Variants in ZC4H2 observed in about 807,000 individuals in gnomAD.
ZC4H2 encodes zinc finger C4H2-type containing.
For missense variants in ZC4H2, 137 were observed against 173.9 expected (o/e 0.79, Z 1.19); for synonymous variants, 84 against 66.3 (o/e 1.27, Z -1.30).
At chrX:64,952,952 T>A (rs980323231) in intron 1 of ZC4H2, among the ~76,000 whole-genome samples, 1 of 111,680 alleles carries the variant, frequency 9.0e-6, no homozygotes, top group Non-Finnish European at 1.9e-5. Context: ...CAAAACAGCA[T>A]GGTACTGGTA....
chrX:65,034,200 G>A (rs1327325461), intron 1 of ZC4H2, among the ~76,000 whole-genome samples: 1 of 111,671 alleles, frequency 9.0e-6, no homozygotes, highest in Non-Finnish European at 1.9e-5. Flanking sequence ...CCAGAAGGAA[G>A]TGAGATTAGA....
At chrX:64,956,828 C>T (rs1393343204) in intron 1 of ZC4H2, among the ~76,000 whole-genome samples, 1 of 112,064 alleles carries the variant, frequency 8.9e-6, no homozygotes, top group African/African-American at 3.2e-5. Flanking sequence ...AAGGAGGTAC[C>T]CTCTACTCTG....
At chrX:64,964,312 C>T (rs1184844788) in intron 1 of ZC4H2, among the ~76,000 whole-genome samples, 1 of 110,391 alleles carries the variant, frequency 9.1e-6, no homozygotes, top group Non-Finnish European at 1.9e-5. Context: ...GAATAAATGG[C>T]CAAAAATCTT....
chrX:64,974,516 T>G (rs1043223430), intron 1 of ZC4H2, among the ~76,000 whole-genome samples: 2 of 112,029 alleles, frequency 1.8e-5, no homozygotes, highest in Non-Finnish European at 3.8e-5. Context: ...TGGATCTTAT[T>G]TAAATCTTTT....
intron 1 of ZC4H2, among the ~76,000 whole-genome samples, chrX:65,032,604 CT>C (rs1241659854): frequency 8.9e-6 from 1 of 111,932 alleles, no homozygotes; most frequent in East Asian, 2.8e-4. Context: ...TTAATTAGTT[CT>C]AGAGTGATTC....
chrX:64,945,470 C>T (rs747432059), intron 1 of ZC4H2, among the ~76,000 whole-genome samples: 1 of 111,350 alleles, frequency 9.0e-6, no homozygotes, highest in East Asian at 2.9e-4. Context: ...CCCAGAGGGG[C>T]ACCTGCCAGA....
intron 1 of ZC4H2, among the ~76,000 whole-genome samples, chrX:65,020,524 C>T (rs1262052574): frequency 6.3e-5 from 7 of 111,942 alleles, no homozygotes; most frequent in Non-Finnish European, 1.1e-4. Context: ...CTAACAAGGG[C>T]TCCTGAAGAA....
intron 1 of ZC4H2, among the ~76,000 whole-genome samples, chrX:64,995,496 A>G (rs1248872241): frequency 8.9e-6 from 1 of 111,977 alleles, no homozygotes; most frequent in Non-Finnish European, 1.9e-5. Flanking sequence ...AGTAGCTGGG[A>G]CCACAGGCAT....
At chrX:64,926,213 G>T (rs936001791) in intron 1 of ZC4H2, among the ~76,000 whole-genome samples, 1 of 111,295 alleles carries the variant, frequency 9.0e-6, no homozygotes, top group African/African-American at 3.3e-5. Flanking sequence ...CAATAAGGGG[G>T]TATGCTGTGT....
At chrX:64,945,128 G>C (rs2147379983) in intron 1 of ZC4H2, among the ~76,000 whole-genome samples, 1 of 112,908 alleles carries the variant, frequency 8.9e-6, no homozygotes, top group African/African-American at 3.2e-5. Context: ...TTGCTGGCGA[G>C]GAGTTGTGAT....
At chrX:64,951,255 C>T (rs747385226) in intron 1 of ZC4H2, among the ~76,000 whole-genome samples, 80 of 112,297 alleles carry the variant, frequency 7.1e-4, no homozygotes, top group African/African-American at 2.5e-3. Context: ...AATAGTGCCA[C>T]AACAAACATA....
intron 1 of ZC4H2, among the ~76,000 whole-genome samples, chrX:64,946,607 AC>A (rs1930547049): frequency 9.1e-6 from 1 of 110,299 alleles, no homozygotes; most frequent in South Asian, 3.9e-4. Context: ...ACACACACAC[AC>A]ACACACGTCT....
At chrX:64,972,297 G>A (rs765089623) in intron 1 of ZC4H2, among the ~76,000 whole-genome samples, 23 of 111,162 alleles carry the variant, frequency 2.1e-4, no homozygotes, top group Non-Finnish European at 4.1e-4. Context: ...TGCTTCTGAT[G>A]TTTTTCCCAC....
chrX:64,987,464 G>T (rs1476722749), intron 1 of ZC4H2, among the ~76,000 whole-genome samples: 44 of 91,952 alleles, frequency 4.8e-4, no homozygotes, highest in Non-Finnish European at 7.9e-4. Context: ...GGTTTGCTGG[G>T]TTTTTTTTTT....
At chrX:64,922,769 C>T (rs1386413024) in intron 1 of ZC4H2, among the ~76,000 whole-genome samples, 1 of 112,081 alleles carries the variant, frequency 8.9e-6, no homozygotes, top group Non-Finnish European at 1.9e-5. Context: ...AGCCACTATG[C>T]ACATATGGCT....
At chrX:65,003,505 G>GA (rs1452212748) in intron 1 of ZC4H2, among the ~76,000 whole-genome samples, 1 of 111,416 alleles carries the variant, frequency 9.0e-6, no homozygotes, top group African/African-American at 3.3e-5. Flanking sequence ...CTCGTTTTTT[G>GA]AAAAATTAAC....
intron 1 of ZC4H2, among the ~76,000 whole-genome samples, chrX:65,024,640 A>C (rs1041489742): frequency 3.6e-5 from 4 of 112,032 alleles, no homozygotes; most frequent in African/African-American, 9.7e-5. Context: ...ACATGGAATC[A>C]ATCCAGGTGC....
chrX:64,942,573 T>G (rs1038418001), intron 1 of ZC4H2, among the ~76,000 whole-genome samples: 1 of 105,080 alleles, frequency 9.5e-6, no homozygotes, highest in African/African-American at 3.5e-5. Context: ...TGAGTGAGAA[T>G]ATGTGGTGTT....
chrX:65,009,198 C>T (rs755344803), intron 1 of ZC4H2, among the ~76,000 whole-genome samples: 1 of 111,556 alleles, frequency 9.0e-6, no homozygotes, highest in East Asian at 2.8e-4. Context: ...TTTTTGTGCC[C>T]TGCAGACTCC....
Sources: allele counts gnomAD v4.1 joint callset (sites outside exome capture counted in the v4.1 genomes callset), GRCh38; gene constraint gnomAD v4.1.1; transcripts MANE v1.5; gene names NCBI Gene and HGNC (gene_info 2026-07-23, HGNC 2026-07-21).